The following SHPK variants were observed in gnomAD, a reference collection of about 807,000 sequenced individuals.
SHPK encodes the protein carbohydrate kinase-like protein.
In SHPK, 51 loss-of-function variants were observed where a neutral mutation model predicts 46.3. The ratio of observed to expected loss-of-function variants is 1.10; its 90% CI spans 0.88 to 1.39. The LOEUF is 1.39. SHPK is among the 40% of genes most tolerant of loss of function. The probability of loss-of-function intolerance (pLI) is 0.00; values close to 1 mark genes in which losing one functional copy is unlikely to be tolerated. For synonymous variants in SHPK, 290 were observed against 273.9 expected, an observed-to-expected ratio of 1.06 and a Z score of -0.58; for missense variants, 668 against 641.3, an observed-to-expected ratio of 1.04 and a Z score of -0.45.
chr17:3,623,610 A>G (rs2075415772), intron 3 of SHPK, 119 bp from the exon 4 acceptor site: 2 of 986,268 alleles, frequency 2.0e-6, no homozygotes, highest in Admixed American at 1.8e-5. Context: ...CCACAACCGC[A>G]TATACTATGG....
chr17:3,630,088 C>T (rs1343288599), intron 2 of SHPK, 117 bp downstream of exon 2: 2 of 1,314,446 alleles, frequency 1.5e-6, no homozygotes, highest in Non-Finnish European at 2.2e-6. Flanking sequence ...CTCCAAGAAA[C>T]AAGACCCTAT....
chr17:3,616,291 C>T (rs188744702), intron 5 of SHPK, among the ~76,000 whole-genome samples: 40 of 152,234 alleles, frequency 2.6e-4, no homozygotes, highest in African/African-American at 8.9e-4. Context: ...AAAGGCACTG[C>T]GACTCCTATC....
At chr17:3,635,526 C>T (rs541074137) in intron 1 of SHPK, among the ~76,000 whole-genome samples, 7 of 152,334 alleles carry the variant, frequency 4.6e-5, no homozygotes, top group Admixed American at 2.0e-4. Context: ...TGAGCCACCG[C>T]GCCCGGCTGA....
At chr17:3,614,892 G>A (rs1237748206) in intron 6 of SHPK, among the ~76,000 whole-genome samples, 8 of 151,740 alleles carry the variant, frequency 5.3e-5, no homozygotes, top group East Asian at 3.9e-4. Flanking sequence ...AGCCTGCATC[G>A]CACTTCCTAT....
chr17:3,623,950 C>T (rs970558522), intron 3 of SHPK, 98 bp downstream of exon 3: 55 of 1,215,090 alleles, frequency 4.5e-5, no homozygotes, highest in Admixed American at 1.0e-4. Flanking sequence ...ACACTCACTG[C>T]GGCACAGCCC....
intron 1 of SHPK, among the ~76,000 whole-genome samples, chr17:3,632,015 G>C (rs757674090): frequency 6.6e-6 from 1 of 151,802 alleles, no homozygotes; most frequent in Non-Finnish European, 1.5e-5. Flanking sequence ...GGAGTGCAGT[G>C]GTGTGATCTC....
intron 1 of SHPK, among the ~76,000 whole-genome samples, chr17:3,635,488 G>A (rs2075513744): frequency 6.6e-6 from 1 of 152,156 alleles, no homozygotes; most frequent in Non-Finnish European, 1.5e-5. Context: ...GCCCGCCTCG[G>A]CCTCCCAAAG....
chr17:3,636,032 GC>G lies in SHPK; in HGVS notation c.168+19del, dbSNP rs749199369. ...TCAGGAGGCTCCTGGAGGCGGCGCG[GC>G]CCCGGGGGTCCAACTCACCTGGGGC... On this transcript the variant is annotated intron_variant, in intron 1 of 6. Transcript: ENST00000225519. 6.4e-5 allele frequency: 98 copies of G among 1,526,404 alleles called. No individual in the cohort carries two copies. In the East Asian group the frequency reaches 2.3e-3, roughly 35 times the overall value. 94.6% of individuals were successfully genotyped at this position (1,526,404 alleles called of 1,614,324 possible).
chr17:3,616,832 G>A (rs1312887640), intron 5 of SHPK, among the ~76,000 whole-genome samples: 4 of 152,204 alleles, frequency 2.6e-5, no homozygotes, highest in African/African-American at 9.6e-5. Flanking sequence ...CTGCCTCCCA[G>A]GTTCAAGTGA....
At chr17:3,627,213 CCT>C (rs1194244416) in intron 2 of SHPK, among the ~76,000 whole-genome samples, 1 of 152,164 alleles carries the variant, frequency 6.6e-6, no homozygotes, top group African/African-American at 2.4e-5. Flanking sequence ...ATATTTTCTC[CCT>C]GTCTGCTGCT....
chr17:3,621,434 C>A, intron 4 of SHPK, 22 bp from the exon 5 acceptor site: 1 of 1,605,596 alleles, frequency 6.2e-7, no homozygotes, highest in Non-Finnish European at 8.5e-7. Context: ...AAGTGGACAC[C>A]CACATGGACC....
Position 3,631,639 on chromosome 17 carries a change from T to C in SHPK, c.169-1293A>G, listed in dbSNP as rs374072577. On this transcript the variant is annotated intron_variant, in intron 1 of 6. Transcript: ENST00000225519. ...CCAGGTTCAAGTGATTCTCCTGCCT[T>C]AGCCTCCGGAGTAGCTGGGATTACA... Among the ~76,000 whole-genome samples the C allele has an allele frequency of 9.1e-4, 132 of 145,134 alleles. 7 individuals are homozygous for C. The South Asian group carries it at 0.025, about 28-fold the overall frequency.
chr17:3,625,232 G>A (rs8079677), intron 2 of SHPK, among the ~76,000 whole-genome samples: 15,726 of 152,140 alleles, frequency 0.1, 2,730 homozygotes, highest in African/African-American at 0.36. Context: ...TTTTGTGGTC[G>A]ATTGTTGCAA....
rs373333038 is a variant in SHPK at position 3,630,721 on chromosome 17, G to A, written c.169-375C>T. On this transcript the variant is annotated intron_variant, in intron 1 of 6. Transcript: ENST00000225519. Reference sequence around the variant, plus strand: ...CTACTAAAAATACAAAAAATTAGCCGGGTATGGTGGCATGCACCTGTAATC... The same window carrying A: ...CTACTAAAAATACAAAAAATTAGCCAGGTATGGTGGCATGCACCTGTAATC... Among the ~76,000 whole-genome samples the A allele has an allele frequency of 1.0e-3, 157 of 152,256 alleles. 4 individuals are homozygous for A. The South Asian group carries it at 0.023, about 22-fold the overall frequency.
rs942114842 is a variant in SHPK, at chr17:3,609,751, A to C, written c.*809T>G. Reference sequence around the variant, plus strand: ...ACTGCTGCACAGACATGCTCCTGGCAAGGGGTCCTGCTGGTGCCTTGTCAG... The same window carrying C: ...ACTGCTGCACAGACATGCTCCTGGCCAGGGGTCCTGCTGGTGCCTTGTCAG... On this transcript the variant is annotated 3_prime_UTR_variant, in exon 7 of 7. Coordinates refer to ENST00000225519, the MANE Select transcript of SHPK (RefSeq NM_013276.4). 5.3e-5 allele frequency: 8 copies of C among 152,362 alleles called. No individual in the cohort carries two copies. The highest frequency in any genetic ancestry group is 3.3e-4 in the Admixed American group (5 of 15,286). The allele number at this position is 152,362 out of a possible 1,614,324, so 9.4% of individuals were successfully genotyped here.
chr17:3,631,175 C>T (rs975841397), intron 1 of SHPK, among the ~76,000 whole-genome samples: 2 of 152,002 alleles, frequency 1.3e-5, no homozygotes, highest in African/African-American at 4.8e-5. Context: ...GCAGGGAGTA[C>T]AGGGGAAGCA....
At chr17:3,611,275 A>G (rs933570884) in intron 6 of SHPK, among the ~76,000 whole-genome samples, 4 of 152,084 alleles carry the variant, frequency 2.6e-5, no homozygotes, top group African/African-American at 9.7e-5. Context: ...ATACAGACTA[A>G]TAACTATCAT....
intron 5 of SHPK, chr17:3,619,807 G>A: frequency 6.6e-6 from 3 of 457,708 alleles, no homozygotes; most frequent in South Asian, 1.7e-5. Context: ...TGACCATCCT[G>A]CTGCTTTAAG....
chr17:3,617,413 C>T (rs1005884024), intron 5 of SHPK, among the ~76,000 whole-genome samples: 5 of 152,116 alleles, frequency 3.3e-5, no homozygotes, highest in Non-Finnish European at 4.4e-5. Flanking sequence ...GTTTGGAAGC[C>T]ATGACAGAAA....
Sources: gnomAD v4.1 joint callset for allele counts (sites outside exome capture counted in the v4.1 genomes callset) on GRCh38, gnomAD v4.1.1 for gene constraint, MANE v1.5 for transcripts, NCBI Gene and HGNC (gene_info 2026-07-23, HGNC 2026-07-21) for gene names.